Variants in CA10 observed in about 807,000 individuals in gnomAD.
CA10 encodes the protein carbonic anhydrase 10 (inactive).
Under a neutral mutation model 44.2 loss-of-function variants are expected in CA10, and 14 were observed. The observed-to-expected ratio is 0.32, with a 90% CI of 0.21 to 0.50. CA10 has a LOEUF of 0.50. CA10 is among the 20% of genes least tolerant of loss of function. CA10 has a pLI of 0.99. For missense variants in CA10, 350 were observed against 409.7 expected (o/e 0.85, Z 1.26); for synonymous variants, 159 against 141.6 (o/e 1.12, Z -0.87).
chr17:52,154,163 G>C (rs184450114), intron 1 of CA10, among the ~76,000 whole-genome samples: 2 of 152,130 alleles, frequency 1.3e-5, no homozygotes, highest in East Asian at 1.9e-4. Flanking sequence ...TATTCTTTCA[G>C]AGACATCAAA....
In CA10 at chr17:52,071,050, T is replaced by G. The variant is rs146378264; in HGVS notation, c.136+1269A>C. 2.1e-3 allele frequency among the ~76,000 whole-genome samples: 319 copies of G among 152,332 alleles called. 1 individual carries two copies. Among genetic ancestry groups the G allele is most frequent in the Middle Eastern group, 0.01 (3 of 294 alleles). On this transcript the variant is annotated intron_variant, in intron 2 of 8. Coordinates refer to ENST00000451037, the MANE Select transcript of CA10 (RefSeq NM_020178.5). Reference sequence around the variant, plus strand: ...GAAAAAAGTATGTAAACATTCTATTTCTTTAAAAGGGACATCCTCAATTGT... The same window carrying G: ...GAAAAAAGTATGTAAACATTCTATTGCTTTAAAAGGGACATCCTCAATTGT...
chr17:52,117,272 G>A lies in CA10; in HGVS notation c.61+40454C>T, dbSNP rs563989567. On this transcript the variant is annotated intron_variant, in intron 1 of 8. Transcript: ENST00000451037. ...TTGGGAAAGACAGAAAAGACACCAC[G>A]GATTCCATTTTGGGAGAAACCTCTG... is the stretch of plus-strand genomic sequence containing the variant. Among the ~76,000 whole-genome samples the A allele has an allele frequency of 7.0e-4, 106 of 152,234 alleles. 1 individual carries two copies. The South Asian group carries it at 0.017, about 25-fold the overall frequency.
chr17:52,040,097 C>CAAAT lies in CA10; in HGVS notation c.136+32218_136+32221dup, dbSNP rs111645646. ...TGGAGATGATATAGCTGGGAAGTAA[C>CAAAT]AAATATTCTTTATAAAATTAAGATC... is the stretch of plus-strand genomic sequence containing the variant. On this transcript the variant is annotated intron_variant, in intron 2 of 8. Transcript: ENST00000451037. Among the ~76,000 whole-genome samples, 736 of 150,992 alleles carry CAAAT rather than the reference C, an allele frequency of 4.9e-3. 2 individuals carry two copies. Among genetic ancestry groups the CAAAT allele is most frequent in the African/African-American group, 0.017 (692 of 41,246 alleles).
At chr17:52,084,630 G>C (rs151279202) in intron 1 of CA10, among the ~76,000 whole-genome samples, 25 of 151,970 alleles carry the variant, frequency 1.6e-4, no homozygotes, top group African/African-American at 5.8e-4. Flanking sequence ...TTTTATTCCA[G>C]TTCCATGCAA....
intron 3 of CA10, among the ~76,000 whole-genome samples, chr17:51,873,130 A>G (rs1257116522): frequency 2.6e-5 from 4 of 152,290 alleles, no homozygotes; most frequent in African/African-American, 9.6e-5. Flanking sequence ...AAGTCTCTGC[A>G]TTGTTTTTTT....
Position 52,128,126 on chromosome 17 carries a change from G to A in CA10, c.61+29600C>T, listed in dbSNP as rs140244615. Among the ~76,000 whole-genome samples the A allele has an allele frequency of 8.0e-3, 1,221 of 152,276 alleles. 9 individuals are homozygous for A. Among genetic ancestry groups the A allele is most frequent in the South Asian group, 0.028 (134 of 4,812 alleles). On this transcript the variant is annotated intron_variant, in intron 1 of 8. Transcript: ENST00000451037. ...GGTGGTTTCCAACCCCAGTTCTGGGGCTATGAGCCACTGGGCTCTACTGCA... is the reference window on the plus strand; with the variant it reads ...GGTGGTTTCCAACCCCAGTTCTGGGACTATGAGCCACTGGGCTCTACTGCA...
At chr17:51,701,438 T>C (rs1175982350) in intron 4 of CA10, among the ~76,000 whole-genome samples, 1 of 152,218 alleles carries the variant, frequency 6.6e-6, no homozygotes, top group Non-Finnish European at 1.5e-5. Flanking sequence ...GACTGCAACA[T>C]AGCTTTTTGG....
chr17:51,934,626 C>CT (rs1435541096), intron 2 of CA10, among the ~76,000 whole-genome samples: 2 of 152,102 alleles, frequency 1.3e-5, no homozygotes, highest in South Asian at 4.2e-4. Context: ...ATAGAAGGGC[C>CT]TGGGTGTGAA....
chr17:52,056,893 CTGTTCTT>C (rs1217776996), intron 2 of CA10, among the ~76,000 whole-genome samples: 4 of 152,026 alleles, frequency 2.6e-5, no homozygotes, highest in Non-Finnish European at 4.4e-5. Context: ...AATTCAAGCT[CTGTTCTT>C]TGTGTTTACA....
chr17:51,951,776 C>A (rs1983493748), intron 2 of CA10, among the ~76,000 whole-genome samples: 1 of 152,142 alleles, frequency 6.6e-6, no homozygotes, highest in South Asian at 2.1e-4. Context: ...CCATACTGAA[C>A]AAAATCTGAT....
At chr17:52,025,280 T>C (rs1986265692) in intron 2 of CA10, among the ~76,000 whole-genome samples, 1 of 152,104 alleles carries the variant, frequency 6.6e-6, no homozygotes, top group South Asian at 2.1e-4. Context: ...CTCTGTGACA[T>C]AGGACATGCC....
intron 3 of CA10, among the ~76,000 whole-genome samples, chr17:51,794,417 T>A (rs1473202535): frequency 6.6e-6 from 1 of 152,214 alleles, no homozygotes. Flanking sequence ...ATGCGGAGAC[T>A]ACGTCATTTT....
intron 3 of CA10, among the ~76,000 whole-genome samples, chr17:51,758,659 G>A (rs984391150): frequency 2.0e-5 from 3 of 152,170 alleles, no homozygotes; most frequent in African/African-American, 7.2e-5. Context: ...GGTTTCCGGG[G>A]GGTGAGTCCC....
intron 3 of CA10, among the ~76,000 whole-genome samples, chr17:51,919,847 T>A (rs1982158713): frequency 6.6e-6 from 1 of 152,124 alleles, no homozygotes; most frequent in Non-Finnish European, 1.5e-5. Context: ...AGAGACGGGG[T>A]TTCACCATAT....
intron 3 of CA10, among the ~76,000 whole-genome samples, chr17:51,830,350 C>T (rs1426942474): frequency 2.0e-5 from 3 of 151,960 alleles, no homozygotes; most frequent in African/African-American, 7.3e-5. Flanking sequence ...ACCAGGGATG[C>T]CTTTTTGTTC....
chr17:52,129,442 T>C (rs1251861474), intron 1 of CA10, among the ~76,000 whole-genome samples: 1 of 152,184 alleles, frequency 6.6e-6, no homozygotes, highest in African/African-American at 2.4e-5. Flanking sequence ...TAGATGCCAT[T>C]GCTATCCTCG....
At chr17:52,037,143 A>G (rs1986641807) in intron 2 of CA10, among the ~76,000 whole-genome samples, 1 of 152,178 alleles carries the variant, frequency 6.6e-6, no homozygotes, top group Non-Finnish European at 1.5e-5. Flanking sequence ...CGAAATGGAA[A>G]TGTCTGGAAC....
intron 4 of CA10, among the ~76,000 whole-genome samples, chr17:51,667,082 GC>G (rs1914234721): frequency 6.6e-6 from 1 of 152,218 alleles, no homozygotes; most frequent in Non-Finnish European, 1.5e-5. Flanking sequence ...ATTGATTCCA[GC>G]CCATTGCTGC....
chr17:52,092,905 T>G (rs1015165906), intron 1 of CA10, among the ~76,000 whole-genome samples: 6 of 152,176 alleles, frequency 3.9e-5, no homozygotes, highest in African/African-American at 1.2e-4. Context: ...GTAAAATAAT[T>G]TGTCTATGTA....
Sources: allele counts gnomAD v4.1 joint callset (sites outside exome capture counted in the v4.1 genomes callset), GRCh38; gene constraint gnomAD v4.1.1; transcripts MANE v1.5; gene names NCBI Gene and HGNC (gene_info 2026-07-23, HGNC 2026-07-21).